The following ZNF365 variants were observed in gnomAD, a reference collection of about 807,000 sequenced individuals.
The protein encoded by ZNF365 is zinc finger protein 365.
In ZNF365, 22 loss-of-function variants were observed where a neutral mutation model predicts 35.0. The observed-to-expected ratio is 0.63, with a 90% CI of 0.45 to 0.90. ZNF365 has a LOEUF of 0.90. ZNF365 is among the 40% of genes least tolerant of loss of function. The pLI is 0.00. For missense variants in ZNF365, 448 were observed against 500.3 expected (o/e 0.90, Z 1.00); for synonymous variants, 188 against 196.2 (o/e 0.96, Z 0.35).
intron 3 of ZNF365, among the ~76,000 whole-genome samples, chr10:62,446,224 C>T (rs1200938283): frequency 1.3e-5 from 2 of 152,146 alleles, no homozygotes; most frequent in African/African-American, 4.8e-5. Context: ...AGTCCCTGCT[C>T]CTGTGTGATC....
At chr10:62,423,215 T>TA (rs5785526) in intron 3 of ZNF365, among the ~76,000 whole-genome samples, 18,610 of 149,952 alleles carry the variant, frequency 0.12, 2,602 homozygotes, top group African/African-American at 0.34. Context: ...AATAGAAACT[T>TA]AAAAAAAAAA....
At chr10:62,442,080 G>A (rs971780809) in intron 3 of ZNF365, among the ~76,000 whole-genome samples, 6 of 152,196 alleles carry the variant, frequency 3.9e-5, no homozygotes, top group African/African-American at 1.4e-4. Flanking sequence ...GTCTTACACT[G>A]CTATAAGCAC....
chr10:62,429,928 T>A (rs548665649), intron 3 of ZNF365, among the ~76,000 whole-genome samples: 2 of 152,258 alleles, frequency 1.3e-5, no homozygotes, highest in African/African-American at 4.8e-5. Flanking sequence ...TTATCCCAAA[T>A]ACCAGAAACG....
chr10:62,473,635 A>G (rs1484599273), intron 4 of ZNF365, among the ~76,000 whole-genome samples: 1 of 143,936 alleles, frequency 6.9e-6, no homozygotes, highest in Admixed American at 6.9e-5. Flanking sequence ...TAGTTGTTAT[A>G]AGGATTAAGT....
chr10:62,432,147 G>A (rs772815416), intron 3 of ZNF365, among the ~76,000 whole-genome samples: 29 of 152,198 alleles, frequency 1.9e-4, no homozygotes, highest in Middle Eastern at 3.2e-3. Context: ...ATGAGTGGAT[G>A]CAGGTTAAAC....
intron 4 of ZNF365, among the ~76,000 whole-genome samples, chr10:62,475,705 A>G (rs1396733314): frequency 6.6e-6 from 1 of 152,120 alleles, no homozygotes; most frequent in Non-Finnish European, 1.5e-5. Context: ...TGGGAGTCAC[A>G]TTTCCTCCCA....
intron 4 of ZNF365, among the ~76,000 whole-genome samples, chr10:62,468,091 A>T (rs993097003): frequency 2.0e-5 from 3 of 152,214 alleles, no homozygotes; most frequent in African/African-American, 7.2e-5. Context: ...TACCTTTATG[A>T]GTCGCTTTAA....
chr10:62,429,025 G>C (rs539282345), intron 3 of ZNF365, among the ~76,000 whole-genome samples: 3 of 152,310 alleles, frequency 2.0e-5, no homozygotes, highest in African/African-American at 7.2e-5. Flanking sequence ...GCTGATGGGA[G>C]CTGGCTCTAG....
intron 4 of ZNF365, among the ~76,000 whole-genome samples, chr10:62,461,106 G>A (rs891340838): frequency 1.3e-5 from 2 of 152,070 alleles, no homozygotes; most frequent in African/African-American, 2.4e-5. Context: ...CCTCTCAAAC[G>A]CACAATCATA....
chr10:62,380,605 T>C (rs1044481737), intron 2 of ZNF365, among the ~76,000 whole-genome samples: 1 of 152,318 alleles, frequency 6.6e-6, no homozygotes, highest in Non-Finnish European at 1.5e-5. Flanking sequence ...TTTGTACTGG[T>C]CAGTCTCATT....
chr10:62,448,345 A>G (rs1840624135), intron 3 of ZNF365, among the ~76,000 whole-genome samples: 1 of 152,194 alleles, frequency 6.6e-6, no homozygotes, highest in African/African-American at 2.4e-5. Context: ...AGGCTCAAAA[A>G]TGTGAGCCTA....
rs757267542 is a variant in ZNF365, at chr10:62,399,834, C to T, written c.*45C>T. ...CCAATCATCGCTGGGCTTTGGGGAA[C>T]GTTGTTCCAGGAGCCAACAGTAATG... is the stretch of plus-strand genomic sequence containing the variant. On this transcript the variant is annotated 3_prime_UTR_variant, in exon 5 of 5. Transcript: ENST00000395254. The T allele has an allele frequency of 1.8e-5, 28 of 1,562,776 alleles. No homozygotes were observed. Among genetic ancestry groups the T allele is most frequent in the Middle Eastern group, 2.3e-4 (1 of 4,354 alleles).
intron 4 of ZNF365, chr10:62,459,882 G>C: frequency 8.5e-7 from 1 of 1,178,928 alleles, no homozygotes; most frequent in South Asian, 1.3e-5. Context: ...AGACTGGAAG[G>C]GGCGCAGCAG....
At chr10:62,478,785 AG>A (rs1481871165) in intron 4 of ZNF365, among the ~76,000 whole-genome samples, 2 of 152,302 alleles carry the variant, frequency 1.3e-5, no homozygotes, top group East Asian at 3.9e-4. Context: ...CATGTTAGCC[AG>A]GATGGTCTCG....
intron 3 of ZNF365, among the ~76,000 whole-genome samples, chr10:62,421,120 G>T (rs966421161): frequency 1.3e-5 from 2 of 152,000 alleles, no homozygotes; most frequent in South Asian, 4.2e-4. Context: ...GCTTATACTG[G>T]AAAAATATGT....
chr10:62,439,233 C>T (rs980064159), intron 3 of ZNF365, among the ~76,000 whole-genome samples: 1 of 152,070 alleles, frequency 6.6e-6, no homozygotes, highest in Non-Finnish European at 1.5e-5. Context: ...TGGGTCTATT[C>T]TTTCTCTTCT....
intron 3 of ZNF365, among the ~76,000 whole-genome samples, chr10:62,416,010 G>C (rs935020221): frequency 6.6e-6 from 1 of 152,082 alleles, no homozygotes; most frequent in African/African-American, 2.4e-5. Context: ...GGAGGCATTG[G>C]TCAGCCACAA....
chr10:62,440,268 A>C (rs2132464111), intron 3 of ZNF365, among the ~76,000 whole-genome samples: 1 of 151,024 alleles, frequency 6.6e-6, no homozygotes, highest in South Asian at 2.1e-4. Context: ...TCGGGGGTAC[A>C]TGTGAAGGTT....
Position 62,466,018 on chromosome 10 carries a change from C to A in ZNF365, c.981+6221C>A, listed in dbSNP as rs564681892. 2.0e-5 allele frequency among the ~76,000 whole-genome samples: 3 copies of A among 152,320 alleles called. No homozygotes were observed. The East Asian group carries it at 5.8e-4, about 29-fold the overall frequency. On this transcript the variant is annotated intron_variant, in intron 4 of 4. Transcript: ENST00000395255. Reference sequence around the variant, plus strand: ...ACAGGCCAGTCCAAGAGCTGTGGACCTGAGTGGGGCAGTGGGACTAACACA... The same window carrying A: ...ACAGGCCAGTCCAAGAGCTGTGGACATGAGTGGGGCAGTGGGACTAACACA...
Sources: gnomAD v4.1 joint callset for allele counts (sites outside exome capture counted in the v4.1 genomes callset) on GRCh38, gnomAD v4.1.1 for gene constraint, MANE v1.5 for transcripts, NCBI Gene and HGNC (gene_info 2026-07-23, HGNC 2026-07-21) for gene names.